Variants in CACNA1H observed in about 807,000 individuals in gnomAD.
The protein encoded by CACNA1H is voltage-dependent T-type calcium channel subunit alpha-1H.
In CACNA1H, 149 loss-of-function variants were observed where a neutral mutation model predicts 192.5. The observed-to-expected ratio is 0.77, with a 90% CI of 0.68 to 0.89. The LOEUF is 0.89. Among genes scored for constraint, CACNA1H ranks in the 40% least tolerant of loss-of-function variants. The pLI is 0.00. For missense variants in CACNA1H, 4,257 were observed against 3,423.5 expected (o/e 1.24, Z -6.08); for synonymous variants, 2,202 against 1,475.2 (o/e 1.49, Z -11.29).
At chr16:1,163,499 A>G (rs535189755) in intron 2 of CACNA1H, among the ~76,000 whole-genome samples, 17 of 152,360 alleles carry the variant, frequency 1.1e-4, no homozygotes, top group African/African-American at 2.6e-4. Flanking sequence ...ACCCGTGTCC[A>G]GATGGCCAGA....
rs935752755 is a variant in CACNA1H, at chr16:1,202,026, C to T, written c.1576C>T (p.His526Tyr). Reference sequence around the variant, plus strand: ...GGTCTACCACCACCATCACCACCACCACCACCACTACCATTTCAGCCATGG... The same window carrying T: ...GGTCTACCACCACCATCACCACCACTACCACCACTACCATTTCAGCCATGG... Reference protein sequence around the residue: ...HLVYHHHHHHHHHYHFSHGSP... With the variant: ...HLVYHHHHHHYHHYHFSHGSP... Residue 526 changes from histidine to tyrosine, a missense_variant, in exon 9 of 35, where the codon CAC (histidine) becomes TAC (tyrosine). Coordinates refer to ENST00000348261, the MANE Select transcript of CACNA1H (RefSeq NM_021098.3). 5.9e-6 allele frequency: 9 copies of T among 1,537,932 alleles called. No homozygotes were observed. Among genetic ancestry groups the T allele is most frequent in the Non-Finnish European group, 7.9e-6 (9 of 1,144,144 alleles).
At position 1,205,390 on chromosome 16, in the gene CACNA1H, C is replaced by T. The variant is rs2745165; in HGVS notation, c.2603+125C>T. 129,924 of 1,081,714 alleles carry T rather than the reference C, an allele frequency of 0.12. 8,678 individuals carry two copies. The highest frequency in any genetic ancestry group is 0.15 in the South Asian group (9,504 of 62,754). The allele number at this position is 1,081,714 out of a possible 1,614,324, so 67.0% of individuals were successfully genotyped here. A position where few individuals can be genotyped will look rare whatever the true frequency, so the allele number is the denominator to read the frequency against. On this transcript the variant is annotated intron_variant, in intron 11 of 34. Coordinates refer to ENST00000348261, the MANE Select transcript of CACNA1H (RefSeq NM_021098.3). ...ACGACGATAGCTCTTTATGACAGGC[C>T]GTGGGAAGCAGGTGCTTGGTGACCC... is the stretch of plus-strand genomic sequence containing the variant.
intron 14 of CACNA1H, 89 bp from the exon 15 acceptor site, chr16:1,207,681 C>T (rs1248977188): frequency 2.4e-6 from 3 of 1,226,724 alleles, no homozygotes; most frequent in Non-Finnish European, 3.5e-6. Flanking sequence ...CCACACCCCA[C>T]CTCCCAGGCC....
At position 1,218,083 on chromosome 16, in the gene CACNA1H, G is replaced by A. The variant is rs376642955; in HGVS notation, c.5445+43G>A. On this transcript the variant is annotated intron_variant, in intron 32 of 34. Coordinates refer to ENST00000348261, the MANE Select transcript of CACNA1H (RefSeq NM_021098.3). ...GCCTCTGGCACCTGGCAGCCCCAGC[G>A]GTTTTTCAGGCTCTCCCAGGAACGG... 152 of 1,578,434 alleles carry A rather than the reference G, an allele frequency of 9.6e-5. No homozygotes were observed. The African/African-American group carries it at 1.3e-3, about 14-fold the overall frequency.
intron 2 of CACNA1H, among the ~76,000 whole-genome samples, chr16:1,175,665 G>A (rs1964809562): frequency 6.6e-6 from 1 of 152,248 alleles, no homozygotes; most frequent in South Asian, 2.1e-4. Context: ...ACACACACTA[G>A]TTACTCCGCA....
chr16:1,178,634 G>T (rs1270355596), intron 2 of CACNA1H, among the ~76,000 whole-genome samples: 1 of 152,234 alleles, frequency 6.6e-6, no homozygotes, highest in East Asian at 1.9e-4. Context: ...TGTTGCTTCA[G>T]CCGCCGCCAT....
At chr16:1,207,505 G>A (rs1444289322) in intron 14 of CACNA1H, 75 bp downstream of exon 14, 11 of 1,486,174 alleles carry the variant, frequency 7.4e-6, no homozygotes, top group African/African-American at 1.4e-5. Context: ...GAGGGGAGGG[G>A]TGTGGGGGGC....
intron 2 of CACNA1H, among the ~76,000 whole-genome samples, chr16:1,191,294 C>T (rs71380242): frequency 3.0e-5 from 3 of 98,508 alleles, no homozygotes; most frequent in Admixed American, 9.1e-5. Context: ...CACTCGGGGT[C>T]TCTCTTACTC....
At chr16:1,214,177 T>G (rs553449310) in intron 27 of CACNA1H, among the ~76,000 whole-genome samples, 2 of 151,970 alleles carry the variant, frequency 1.3e-5, no homozygotes, top group South Asian at 4.2e-4. Context: ...GGGAGGTGAG[T>G]GTCCCACCCA....
chr16:1,176,441 G>T (rs1964897257), intron 2 of CACNA1H, among the ~76,000 whole-genome samples: 1 of 152,224 alleles, frequency 6.6e-6, no homozygotes, highest in African/African-American at 2.4e-5. Flanking sequence ...CAGGGTCTCT[G>T]CATGGACCCC....
chr16:1,169,989 C>T (rs992091097), intron 2 of CACNA1H, among the ~76,000 whole-genome samples: 1 of 152,194 alleles, frequency 6.6e-6, no homozygotes, highest in Non-Finnish European at 1.5e-5. Flanking sequence ...TGTTTTAATT[C>T]CTAATTTAGA....
chr16:1,196,698 T>C (rs1967019642), intron 5 of CACNA1H, among the ~76,000 whole-genome samples: 1 of 152,108 alleles, frequency 6.6e-6, no homozygotes, highest in Non-Finnish European at 1.5e-5. Flanking sequence ...GAGGAGCTGC[T>C]GTGTGTCTGC....
At chr16:1,208,584 G>C (rs746366173) in intron 16 of CACNA1H, among the ~76,000 whole-genome samples, 1 of 152,216 alleles carries the variant, frequency 6.6e-6, no homozygotes, top group Non-Finnish European at 1.5e-5. Flanking sequence ...TTACGGCCAG[G>C]GCATCTCTCT....
intron 8 of CACNA1H, 24 bp downstream of exon 8, chr16:1,200,832 C>T (rs72552037): frequency 3.9e-6 from 6 of 1,532,032 alleles, no homozygotes; most frequent in Non-Finnish European, 3.5e-6. Flanking sequence ...GCAGTGTTCG[C>T]CATGATGGGC....
chr16:1,188,344 A>T (rs1465705947), intron 2 of CACNA1H, among the ~76,000 whole-genome samples: 1 of 152,084 alleles, frequency 6.6e-6, no homozygotes, highest in Non-Finnish European at 1.5e-5. Context: ...GTCCCTACCC[A>T]GGACCCTGGA....
intron 2 of CACNA1H, among the ~76,000 whole-genome samples, chr16:1,155,465 C>T (rs907303684): frequency 3.3e-5 from 5 of 152,178 alleles, no homozygotes; most frequent in African/African-American, 4.8e-5. Flanking sequence ...TGGGGTTAGT[C>T]CGGCGGTGCC....
rs1376953035 is a variant in CACNA1H at position 1,153,986 on chromosome 16, C to G, written c.249C>G (p.Leu83=). 13 of 1,438,136 alleles carry G rather than the reference C, an allele frequency of 9.0e-6. No homozygotes were observed. Among genetic ancestry groups the G allele is most frequent in the African/African-American group, 6.0e-5 (4 of 67,082 alleles). 89.1% of individuals were successfully genotyped at this position (1,438,136 alleles called of 1,614,324 possible). The stretch of plus-strand genomic sequence containing the variant: ...TGGCGGCCACGGTCTTCTTCTGCCT[C>G]GGTCAGACCACGCGGCCGCGCAGCT... ...PALAATVFFC[L]GQTTRPRSWC... The change falls in exon 2 of 35, where the codon CTC becomes CTG. Residue 83 remains leucine, a synonymous_variant. Coordinates refer to ENST00000348261, the MANE Select transcript of CACNA1H (RefSeq NM_021098.3).
intron 2 of CACNA1H, among the ~76,000 whole-genome samples, chr16:1,165,593 C>T (rs1963681193): frequency 6.6e-6 from 1 of 152,184 alleles, no homozygotes; most frequent in Admixed American, 6.5e-5. Context: ...GCAGCACAAG[C>T]CGGCCCGGAG....
chr16:1,217,828 G>A (rs1362566085), intron 31 of CACNA1H, 91 bp from the exon 32 acceptor site: 1 of 1,453,254 alleles, frequency 6.9e-7, no homozygotes, highest in East Asian at 2.5e-5. Flanking sequence ...CCTGCCTCTG[G>A]GCTCCCCAAG....
Sources: gnomAD v4.1 joint callset for allele counts (sites outside exome capture counted in the v4.1 genomes callset) on GRCh38, gnomAD v4.1.1 for gene constraint, MANE v1.5 for transcripts, NCBI Gene and HGNC (gene_info 2026-07-23, HGNC 2026-07-21) for gene names.